The following NRXN1 variants were observed in gnomAD, a reference collection of about 807,000 sequenced individuals.
NRXN1 encodes neurexin-1.
Under a neutral mutation model 150.9 loss-of-function variants are expected in NRXN1, and 39 were observed. The observed-to-expected ratio is 0.26, with a 90% CI of 0.20 to 0.34. The LOEUF (loss-of-function observed/expected upper bound fraction) is 0.34, where lower values mean the gene tolerates loss of function less well. Ranked by LOEUF, NRXN1 falls within the 10% of genes least tolerant of loss-of-function variation. The probability of loss-of-function intolerance (pLI) is 1.00; values close to 1 mark genes in which losing one functional copy is unlikely to be tolerated. For synonymous variants in NRXN1, 924 were observed against 757.0 expected (o/e 1.22, Z -3.62); for missense variants, 1,815 against 1,949.9 (o/e 0.93, Z 1.30).
chr2:50,239,757 G>T (rs1163850277), intron 17 of NRXN1, among the ~76,000 whole-genome samples: 3 of 131,188 alleles, frequency 2.3e-5, no homozygotes, highest in African/African-American at 8.6e-5. Context: ...AGGCAGTCAA[G>T]AAAAAGTTAA....
At chr2:50,940,651 T>C (rs1205977156) in intron 2 of NRXN1, among the ~76,000 whole-genome samples, 4 of 152,144 alleles carry the variant, frequency 2.6e-5, no homozygotes, top group Non-Finnish European at 4.4e-5. Flanking sequence ...GCATACTCCT[T>C]ACTTAAGGAT....
chr2:50,835,131 C>T (rs960591546), intron 5 of NRXN1, among the ~76,000 whole-genome samples: 3 of 152,136 alleles, frequency 2.0e-5, no homozygotes, highest in South Asian at 2.1e-4. Flanking sequence ...TCTTCTACCT[C>T]GTAGGTTCAC....
chr2:50,001,870 C>A (rs1221675583), intron 21 of NRXN1, among the ~76,000 whole-genome samples: 1 of 151,876 alleles, frequency 6.6e-6, no homozygotes, highest in African/African-American at 2.4e-5. Context: ...TATAAAATGG[C>A]AAATGTTAGG....
At chr2:49,929,603 A>T (rs1669764306) in intron 22 of NRXN1, among the ~76,000 whole-genome samples, 1 of 151,810 alleles carries the variant, frequency 6.6e-6, no homozygotes, top group African/African-American at 2.4e-5. Flanking sequence ...GCTGTCCCCA[A>T]CTCCTCACAT....
intron 2 of NRXN1, among the ~76,000 whole-genome samples, chr2:51,019,695 T>G (rs1039775192): frequency 2.6e-5 from 4 of 152,122 alleles, no homozygotes; most frequent in African/African-American, 9.7e-5. Flanking sequence ...TGAGTTGTTC[T>G]AATTGGAAAA....
At chr2:50,588,237 G>A (rs1673492237) in intron 8 of NRXN1, among the ~76,000 whole-genome samples, 2 of 152,114 alleles carry the variant, frequency 1.3e-5, no homozygotes, top group South Asian at 4.1e-4. Context: ...AAATGAATAA[G>A]CTGCTTTTTT....
chr2:50,514,950 C>T (rs1020224174), intron 12 of NRXN1, among the ~76,000 whole-genome samples: 1 of 152,138 alleles, frequency 6.6e-6, no homozygotes, highest in African/African-American at 2.4e-5. Flanking sequence ...TAAGAAACAA[C>T]TAAAATCAAT....
At position 50,534,340 on chromosome 2, in the gene NRXN1, T is replaced by C. The variant is rs116588040; in HGVS notation, c.2144-2910A>G. Reference sequence around the variant, plus strand: ...TCTATTTATCAAAACAGGGGCCTCATGGTTAGGCAATGCCCTAAGCACTGA... The same window carrying C: ...TCTATTTATCAAAACAGGGGCCTCACGGTTAGGCAATGCCCTAAGCACTGA... On this transcript the variant is annotated intron_variant, in intron 10 of 22. Coordinates refer to ENST00000401669, the MANE Select transcript of NRXN1 (RefSeq NM_001330078.2). Among the ~76,000 whole-genome samples, 1,429 of 152,260 alleles carry C rather than the reference T, an allele frequency of 9.4e-3. 11 individuals carry two copies. The highest frequency in any genetic ancestry group is 0.027 in the Middle Eastern group (8 of 294).
At chr2:50,340,170 A>T (rs970541090) in intron 17 of NRXN1, among the ~76,000 whole-genome samples, 1 of 152,204 alleles carries the variant, frequency 6.6e-6, no homozygotes, top group Non-Finnish European at 1.5e-5. Flanking sequence ...ATTAAATGAG[A>T]CACTTTATAT....
At chr2:50,551,193 G>A in intron 9 of NRXN1, 1 of 151,790 alleles carries the variant, frequency 6.6e-6, no homozygotes, top group East Asian at 1.9e-4. Flanking sequence ...AATATTTAGG[G>A]AGACAAAGTT....
intron 5 of NRXN1, among the ~76,000 whole-genome samples, chr2:50,645,151 C>T (rs1324300488): frequency 1.3e-5 from 2 of 151,850 alleles, no homozygotes; most frequent in East Asian, 3.9e-4. Flanking sequence ...GATGCAGCAT[C>T]TGGCTGGAAC....
chr2:50,053,543 C>T lies in NRXN1; in HGVS notation c.3856G>A (p.Gly1286Arg), dbSNP rs928022072. 26 of 1,614,020 alleles carry T rather than the reference C, an allele frequency of 1.6e-5. No individual in the cohort carries two copies. Among genetic ancestry groups the T allele is most frequent in the East Asian group, 4.5e-5 (2 of 44,870 alleles). ...FNSQATIIIG[G>R]KEQGQPFQGQ... ...TGGAAGGGCTGGCCCTGCTCTTTCC[C>T]GCCAATTATTATGGTTGCTTGGCTA... Residue 1286 changes from glycine (G) to arginine (R), a missense_variant, in exon 21 of 23, where the codon GGG (glycine) becomes AGG (arginine). Transcript: ENST00000401669.
At chr2:50,471,245 A>C (rs973319030) in intron 16 of NRXN1, among the ~76,000 whole-genome samples, 5 of 151,680 alleles carry the variant, frequency 3.3e-5, no homozygotes, top group Admixed American at 6.6e-5. Context: ...TTCATCATTC[A>C]ATCCCCTTCC....
At chr2:50,950,453 A>C (rs1691127624) in intron 2 of NRXN1, among the ~76,000 whole-genome samples, 1 of 152,208 alleles carries the variant, frequency 6.6e-6, no homozygotes, top group Admixed American at 6.6e-5. Flanking sequence ...TTAAAGAGAA[A>C]AAGAAGGCAA....
chr2:50,731,187 ATAT>A (rs1277050743), intron 5 of NRXN1, among the ~76,000 whole-genome samples: 1 of 152,198 alleles, frequency 6.6e-6, no homozygotes, highest in Non-Finnish European at 1.5e-5. Flanking sequence ...CACATAATAC[ATAT>A]TATTCTTCTT....
chr2:49,947,128 T>C lies in NRXN1; in HGVS notation c.4129-3337A>G, dbSNP rs1017908981. Among the ~76,000 whole-genome samples, 6 of 152,012 alleles carry C rather than the reference T, an allele frequency of 3.9e-5. No individual in the cohort carries two copies. The East Asian group carries it at 5.8e-4, about 15-fold the overall frequency. ...GGAGATAATCAGCTTTTTGTTTTTT[T>C]CCCCCCGGACCAACATCTAGCGGAA... On this transcript the variant is annotated intron_variant, in intron 21 of 22. Transcript: ENST00000401669.
chr2:50,341,841 G>GT, intron 17 of NRXN1, among the ~76,000 whole-genome samples: 1 of 151,834 alleles, frequency 6.6e-6, no homozygotes, highest in Non-Finnish European at 1.5e-5. Context: ...CTATTTTGAT[G>GT]TTTTTATCAG....
intron 15 of NRXN1, among the ~76,000 whole-genome samples, chr2:50,488,516 G>A (rs1362614638): frequency 6.6e-6 from 1 of 152,210 alleles, no homozygotes; most frequent in Non-Finnish European, 1.5e-5. Context: ...CACAGCCCCA[G>A]TAGAGACCAA....
chr2:50,146,401 C>A (rs540747028), intron 18 of NRXN1, among the ~76,000 whole-genome samples: 1 of 151,782 alleles, frequency 6.6e-6, no homozygotes, highest in African/African-American at 2.4e-5. Context: ...CAGCACTATT[C>A]ACAATAGCAA....
Sources: allele counts gnomAD v4.1 joint callset (sites outside exome capture counted in the v4.1 genomes callset), GRCh38; gene constraint gnomAD v4.1.1; transcripts MANE v1.5; gene names NCBI Gene and HGNC (gene_info 2026-07-23, HGNC 2026-07-21).